Variants in NEK1 observed in about 807,000 individuals in gnomAD.
NEK1 encodes NIMA related kinase 1, also known as serine/threonine-protein kinase Nek1.
Under a neutral mutation model 182.1 loss-of-function variants are expected in NEK1, and 137 were observed. The ratio of observed to expected loss-of-function variants is 0.75; its 90% CI spans 0.65 to 0.87. The LOEUF is 0.87. Ranked by LOEUF, NEK1 falls within the 40% of genes least tolerant of loss-of-function variation. The pLI is 0.00. For missense variants in NEK1, 1,391 were observed against 1,494.4 expected (o/e 0.93, Z 1.14); for synonymous variants, 513 against 492.2 (o/e 1.04, Z -0.56).
intron 19 of NEK1, among the ~76,000 whole-genome samples, chr4:169,521,021 G>A (rs1312772935): frequency 2.7e-3 from 201 of 75,828 alleles, no homozygotes; most frequent in African/African-American, 9.8e-3. Context: ...TCCTTGAGCT[G>A]TGGTGGGCTC....
intron 6 of NEK1, 126 bp downstream of exon 6, chr4:169,590,600 T>G: frequency 1.7e-6 from 1 of 592,740 alleles, no homozygotes; most frequent in Non-Finnish European, 3.0e-6. Flanking sequence ...ATGAATAGGA[T>G]AAAAAGGAAG....
At chr4:169,420,007 C>T (rs981051683) in intron 31 of NEK1, among the ~76,000 whole-genome samples, 10 of 152,100 alleles carry the variant, frequency 6.6e-5, no homozygotes, top group African/African-American at 2.4e-4. Flanking sequence ...GGGACATTAG[C>T]GTACACTACT....
At chr4:169,546,684 G>T (rs1382614139) in intron 18 of NEK1, among the ~76,000 whole-genome samples, 1 of 152,172 alleles carries the variant, frequency 6.6e-6, no homozygotes, top group Non-Finnish European at 1.5e-5. Context: ...ATATATTTAG[G>T]ATAGTTAGCT....
rs1232630191 is a variant in NEK1 at position 169,418,625 on chromosome 4, T to A, written c.3222+5928A>T. On this transcript the variant is annotated intron_variant, in intron 31 of 35. Coordinates refer to ENST00000507142, the MANE Select transcript of NEK1 (RefSeq NM_001199397.3). ...GAAATAAAAGGTTCACTGAGTGGGA[T>A]TAATAGTATATTATTGCAGAAAAAA... 2.0e-5 allele frequency among the ~76,000 whole-genome samples: 3 copies of A among 152,152 alleles called. No individual in the cohort carries two copies. The East Asian group carries it at 5.8e-4, about 29-fold the overall frequency.
chr4:169,411,070 G>A (rs894724165), intron 31 of NEK1, among the ~76,000 whole-genome samples: 4 of 152,174 alleles, frequency 2.6e-5, no homozygotes, highest in African/African-American at 7.2e-5. Flanking sequence ...CTGCTTTCTA[G>A]GGACAAGATA....
chr4:169,505,975 G>C (rs1003595628), intron 23 of NEK1, among the ~76,000 whole-genome samples: 2 of 151,650 alleles, frequency 1.3e-5, no homozygotes, highest in Admixed American at 6.6e-5. Flanking sequence ...GAAACTATGA[G>C]TAAATGTAGA....
At chr4:169,611,380 A>C (rs1004197368) in intron 2 of NEK1, among the ~76,000 whole-genome samples, 1 of 152,214 alleles carries the variant, frequency 6.6e-6, no homozygotes, top group Non-Finnish European at 1.5e-5. Context: ...TGTAAACTAG[A>C]AACAAGGAGT....
At chr4:169,479,777 C>CA (rs931548457) in intron 23 of NEK1, among the ~76,000 whole-genome samples, 2 of 152,130 alleles carry the variant, frequency 1.3e-5, no homozygotes, top group Non-Finnish European at 2.9e-5. Flanking sequence ...AACCCGCTTT[C>CA]ATTGCATTAT....
At chr4:169,543,258 C>T (rs927291605) in intron 18 of NEK1, among the ~76,000 whole-genome samples, 5 of 151,908 alleles carry the variant, frequency 3.3e-5, no homozygotes, top group African/African-American at 9.7e-5. Context: ...CTTTCCCCAC[C>T]ACTTGTTTAT....
Position 169,396,760 on chromosome 4 carries a change from T to C in NEK1, c.3848-2237A>G, listed in dbSNP as rs540938904. On this transcript the variant is annotated intron_variant, in intron 35 of 35. Coordinates refer to ENST00000507142, the MANE Select transcript of NEK1 (RefSeq NM_001199397.3). ...GACAATCTTCTTTTTAACTTGTATC[T>C]TAATGACTTGATGTCACTTTCGGGT... Among the ~76,000 whole-genome samples the C allele has an allele frequency of 1.5e-4, 23 of 152,344 alleles. No individual in the cohort carries two copies. In the South Asian group the frequency reaches 4.8e-3, roughly 32 times the overall value.
intron 19 of NEK1, among the ~76,000 whole-genome samples, chr4:169,521,862 T>TTTA (rs1452000650): frequency 6.6e-6 from 1 of 152,222 alleles, no homozygotes; most frequent in Non-Finnish European, 1.5e-5. Context: ...CAGATTTGTC[T>TTTA]TTTTAAAAAC....
intron 27 of NEK1, among the ~76,000 whole-genome samples, chr4:169,449,343 G>C (rs1207284051): frequency 1.3e-5 from 2 of 152,202 alleles, no homozygotes; most frequent in South Asian, 2.1e-4. Flanking sequence ...AGAAAAGATA[G>C]ACTGCCTCCT....
At chr4:169,514,438 T>G (rs905441235) in intron 19 of NEK1, among the ~76,000 whole-genome samples, 1 of 152,234 alleles carries the variant, frequency 6.6e-6, no homozygotes, top group African/African-American at 2.4e-5. Flanking sequence ...TGTAGTGTTG[T>G]ATCAAATTGG....
rs1466303410 is a variant in NEK1, at chr4:169,507,802, A to G, written c.1834-10T>C. ...AATGATTAGCTTCTTTCTACAAAATAAGTAGATAAGCAAATCACTTAGGAT... is the reference window on the plus strand; with the variant it reads ...AATGATTAGCTTCTTTCTACAAAATGAGTAGATAAGCAAATCACTTAGGAT... On this transcript the variant is annotated splice_polypyrimidine_tract_variant and intron_variant, in intron 21 of 35. Coordinates refer to ENST00000507142, the MANE Select transcript of NEK1 (RefSeq NM_001199397.3). The G allele has an allele frequency of 6.3e-7, 1 of 1,598,936 alleles. No individual in the cohort carries two copies. The highest frequency in any genetic ancestry group is 1.7e-5 in the Admixed American group (1 of 59,964).
At chr4:169,464,062 T>C (rs554709942) in intron 26 of NEK1, among the ~76,000 whole-genome samples, 34 of 152,302 alleles carry the variant, frequency 2.2e-4, no homozygotes, top group Middle Eastern at 6.8e-3. Flanking sequence ...GTCACTGTCT[T>C]GGCCACCCAT....
chr4:169,509,963 T>C (rs911210500), intron 19 of NEK1, among the ~76,000 whole-genome samples: 2 of 152,170 alleles, frequency 1.3e-5, no homozygotes, highest in Non-Finnish European at 2.9e-5. Flanking sequence ...TTAATATTCC[T>C]TACAAACACT....
intron 18 of NEK1, among the ~76,000 whole-genome samples, chr4:169,544,737 T>C (rs1320328947): frequency 1.3e-5 from 2 of 151,690 alleles, no homozygotes; most frequent in Non-Finnish European, 2.9e-5. Context: ...TAGGAATTTA[T>C]CCATTTCTTC....
At chr4:169,402,065 A>G (rs1731785997) in intron 32 of NEK1, among the ~76,000 whole-genome samples, 1 of 152,238 alleles carries the variant, frequency 6.6e-6, no homozygotes, top group African/African-American at 2.4e-5. Context: ...ACTGATAAAT[A>G]TATCACACAA....
intron 10 of NEK1, among the ~76,000 whole-genome samples, chr4:169,584,686 T>G (rs1464701533): frequency 1.3e-5 from 2 of 152,256 alleles, no homozygotes; most frequent in Non-Finnish European, 2.9e-5. Context: ...TTAAATATTT[T>G]GAGCACTTAC....
Sources: allele counts gnomAD v4.1 joint callset (sites outside exome capture counted in the v4.1 genomes callset), GRCh38; gene constraint gnomAD v4.1.1; transcripts MANE v1.5; gene names NCBI Gene and HGNC (gene_info 2026-07-23, HGNC 2026-07-21).